ZNF618: variants seen among roughly 807,000 people sequenced by gnomAD.
The protein encoded by ZNF618 is neural precursor cell expressed, developmentally down-regulated 10.
A neutral mutation model predicts 103.0 loss-of-function variants in ZNF618; 34 were observed. That is an observed-to-expected ratio of 0.33 (90% CI 0.25 to 0.44). The LOEUF (loss-of-function observed/expected upper bound fraction) is 0.44, where lower values mean the gene tolerates loss of function less well. ZNF618 is among the 20% of genes least tolerant of loss of function. ZNF618 has a pLI of 1.00. For synonymous variants in ZNF618, 551 were observed against 542.2 expected (o/e 1.02, Z -0.23); for missense variants, 1,059 against 1,295.4 (o/e 0.82, Z 2.80).
intron 1 of ZNF618, among the ~76,000 whole-genome samples, chr9:113,918,426 T>A (rs902452958): frequency 6.6e-6 from 1 of 152,244 alleles, no homozygotes; most frequent in African/African-American, 2.4e-5. Context: ...TTCTATCCAC[T>A]AATTTTAGCA....
At chr9:113,956,237 A>G (rs1232226471) in intron 1 of ZNF618, among the ~76,000 whole-genome samples, 10 of 146,122 alleles carry the variant, frequency 6.8e-5, no homozygotes, top group Non-Finnish European at 1.2e-4. Flanking sequence ...AAAAAAAAAA[A>G]AAGAAGAGCA....
At chr9:113,964,245 C>T (rs1837147275) in intron 1 of ZNF618, among the ~76,000 whole-genome samples, 1 of 152,174 alleles carries the variant, frequency 6.6e-6, no homozygotes, top group Non-Finnish European at 1.5e-5. Flanking sequence ...GCTCGGTTCT[C>T]TTATCGAAGA....
rs557755834 is a variant in ZNF618, at chr9:114,026,008, T to C, written c.845-2725T>C. On this transcript the variant is annotated intron_variant, in intron 10 of 14. Transcript: ENST00000374126. ...GGAGAGAGCCATTGTTCAAAGGTCA[T>C]ACTGTGTATCATTACTGATGGTGAT... 1.4e-3 allele frequency among the ~76,000 whole-genome samples: 208 copies of C among 152,294 alleles called. 2 individuals are homozygous for C. Among genetic ancestry groups the C allele is most frequent in the South Asian group, 8.7e-3 (42 of 4,820 alleles).
At chr9:113,941,759 A>G (rs929752230) in intron 1 of ZNF618, among the ~76,000 whole-genome samples, 1 of 122,418 alleles carries the variant, frequency 8.2e-6, no homozygotes, top group African/African-American at 2.8e-5. Context: ...TTTTATCAGG[A>G]TGTGTCTAGA....
chr9:113,926,714 T>G (rs1833128190), intron 1 of ZNF618, among the ~76,000 whole-genome samples: 3 of 152,238 alleles, frequency 2.0e-5, no homozygotes, highest in Admixed American at 6.5e-5. Flanking sequence ...TATTTTTTAC[T>G]GGTATTTTAA....
At chr9:113,898,470 T>A (rs886075558) in intron 1 of ZNF618, among the ~76,000 whole-genome samples, 3 of 150,464 alleles carry the variant, frequency 2.0e-5, no homozygotes, top group African/African-American at 7.3e-5. Flanking sequence ...AGATGGGGTC[T>A]TGCCTTGTCA....
intron 13 of ZNF618, among the ~76,000 whole-genome samples, chr9:114,040,337 CTTT>C (rs200093374): frequency 2.1e-5 from 3 of 142,316 alleles, no homozygotes; most frequent in Non-Finnish European, 3.1e-5. Context: ...TGTTTTCTTT[CTTT>C]TTTTTTTTTT....
In ZNF618 at chr9:114,052,902, TACCTCCCTTTCACTTCTTTTCC is replaced by T; in HGVS notation, c.*2741_*2762del. On this transcript the variant is annotated 3_prime_UTR_variant, in exon 15 of 15. Coordinates refer to ENST00000374126, the MANE Select transcript of ZNF618 (RefSeq NM_001318042.2). ...AGGAAGAGATTTGATCTTAGGTTGT[TACCTCCCTTTCACTTCTTTTCC>T]ACCTCAATTCAATACTTAGGGGTTG... 6.6e-6 allele frequency: 1 copy of T among 152,270 alleles called. No homozygotes were observed. The highest frequency in any genetic ancestry group is 6.5e-5 in the Admixed American group (1 of 15,292). 9.4% of individuals were successfully genotyped at this position (152,270 alleles called of 1,614,324 possible).
At chr9:114,040,090 T>C (rs926435020) in intron 13 of ZNF618, among the ~76,000 whole-genome samples, 11 of 151,316 alleles carry the variant, frequency 7.3e-5, no homozygotes, top group African/African-American at 2.4e-5. Flanking sequence ...AATCAACCAA[T>C]ATTATACATT....
chr9:113,938,342 T>TAA (rs56218119), intron 1 of ZNF618, among the ~76,000 whole-genome samples: 85 of 141,028 alleles, frequency 6.0e-4, no homozygotes, highest in Non-Finnish European at 8.1e-4. Flanking sequence ...CCTGGCTAAT[T>TAA]AAAAAAAAAA....
chr9:113,928,185 A>G (rs12378378), intron 1 of ZNF618, among the ~76,000 whole-genome samples: 31,547 of 151,942 alleles, frequency 0.21, 3,436 homozygotes, highest in Non-Finnish European at 0.25. Context: ...TTTATCAGCT[A>G]TATCCAGCTA....
At chr9:113,959,828 C>T (rs751167429) in intron 1 of ZNF618, among the ~76,000 whole-genome samples, 1 of 152,154 alleles carries the variant, frequency 6.6e-6, no homozygotes, top group Non-Finnish European at 1.5e-5. Flanking sequence ...AGGCTGGTCT[C>T]GACCTCCTGA....
intron 1 of ZNF618, among the ~76,000 whole-genome samples, chr9:113,942,500 A>C (rs1009742413): frequency 2.0e-5 from 3 of 152,046 alleles, no homozygotes; most frequent in Non-Finnish European, 4.4e-5. Context: ...TTTGAGCTTG[A>C]TCTATATCTG....
At chr9:113,885,112 C>T (rs535818808) in intron 1 of ZNF618, among the ~76,000 whole-genome samples, 38 of 152,160 alleles carry the variant, frequency 2.5e-4, no homozygotes, top group African/African-American at 7.2e-4. Context: ...AAAGGGGAGA[C>T]GCCTGTGGCT....
At chr9:113,913,928 G>C (rs1831812175) in intron 1 of ZNF618, among the ~76,000 whole-genome samples, 1 of 152,148 alleles carries the variant, frequency 6.6e-6, no homozygotes, top group Admixed American at 6.5e-5. Context: ...TTGAGGGCTA[G>C]ATAAACCTGT....
At chr9:113,949,897 T>A (rs569999894) in intron 1 of ZNF618, among the ~76,000 whole-genome samples, 1 of 151,978 alleles carries the variant, frequency 6.6e-6, no homozygotes, top group Non-Finnish European at 1.5e-5. Context: ...GGCGAGGGAG[T>A]TGGCACGGGA....
chr9:113,912,007 G>A (rs992457605), intron 1 of ZNF618, among the ~76,000 whole-genome samples: 1 of 152,130 alleles, frequency 6.6e-6, no homozygotes, highest in Non-Finnish European at 1.5e-5. Flanking sequence ...AGATTGCTGG[G>A]CCCCACCCCC....
intron 10 of ZNF618, among the ~76,000 whole-genome samples, chr9:114,026,986 A>G (rs891097867): frequency 2.6e-5 from 4 of 152,130 alleles, no homozygotes; most frequent in Non-Finnish European, 4.4e-5. Context: ...GGCTGGTTCC[A>G]TTACAGTGAA....
At chr9:113,960,915 A>T (rs144298969) in intron 1 of ZNF618, among the ~76,000 whole-genome samples, 2 of 152,312 alleles carry the variant, frequency 1.3e-5, no homozygotes, top group Admixed American at 6.5e-5. Context: ...GAGCCTGTGC[A>T]TGTTGGGTGG....
Sources: gnomAD v4.1 joint callset for allele counts (sites outside exome capture counted in the v4.1 genomes callset) on GRCh38, gnomAD v4.1.1 for gene constraint, MANE v1.5 for transcripts, NCBI Gene and HGNC (gene_info 2026-07-23, HGNC 2026-07-21) for gene names.